SPAG4: variants seen among roughly 807,000 people sequenced by gnomAD.
The protein encoded by SPAG4 is sperm-associated antigen 4 protein.
SPAG4 carries 54 observed loss-of-function variants against 53.9 expected under a neutral mutation model. The observed-to-expected ratio is 1.00, with a 90% CI of 0.80 to 1.26. The LOEUF is 1.26. Among genes scored for constraint, SPAG4 ranks in the 50% most tolerant of loss-of-function variants. The pLI, the probability that SPAG4 is intolerant of heterozygous loss-of-function variation, is 0.00. For synonymous variants in SPAG4, 246 were observed against 237.4 expected, an observed-to-expected ratio of 1.04 and a Z score of -0.33; for missense variants, 548 against 568.6, an observed-to-expected ratio of 0.96 and a Z score of 0.37.
intron 9 of SPAG4, 46 bp from the exon 10 acceptor site, chr20:35,619,533 A>G: frequency 1.9e-6 from 3 of 1,593,678 alleles, no homozygotes; most frequent in Non-Finnish European, 2.6e-6. Flanking sequence ...GAGCGGCAGC[A>G]GTCGCTCTGT....
In SPAG4 at chr20:35,616,179, A is replaced by G; in HGVS notation, c.176A>G (p.Glu59Gly). The G allele has an allele frequency of 6.3e-7, 1 of 1,594,048 alleles. No homozygotes were observed. Among genetic ancestry groups the G allele is most frequent in the South Asian group, 1.1e-5 (1 of 89,434 alleles). The change falls in exon 1 of 12, where the codon GAG becomes GGG. Residue 59 changes from glutamate to glycine, a missense_variant. Coordinates refer to ENST00000374273, the MANE Select transcript of SPAG4 (RefSeq NM_003116.3). The part of the protein sequence containing the change: ...GRRARGPSCG[E>G]PALSAGVPGG... ...AGAGCCCGGGGCCCGAGCTGCGGTG[A>G]GCCCGCCTTGAGCGCGGGAGTGCCC...
Position 35,618,671 on chromosome 20 carries a change from T to G in SPAG4, c.668T>G (p.Leu223Arg). The stretch of plus-strand genomic sequence containing the variant: ...CAGCTGCAGCAGCTCCAGGCCGAGC[T>G]GGATAAACTCCACAAGGAGGTGTCC... ...GQQLQQLQAE[L>R]DKLHKEVSTV... The change falls in exon 7 of 12, where the codon CTG becomes CGG. Residue 223 changes from leucine to arginine, a missense_variant. Physicochemically the swap from Leu to Arg is moderately radical, Grantham distance 102. Coordinates refer to ENST00000374273, the MANE Select transcript of SPAG4 (RefSeq NM_003116.3). 6.3e-7 allele frequency: 1 copy of G among 1,595,770 alleles called. No homozygotes were observed. Among genetic ancestry groups the G allele is most frequent in the Non-Finnish European group, 8.5e-7 (1 of 1,171,096 alleles).
In SPAG4 at chr20:35,618,996, TG is replaced by T. The variant is rs749739786; in HGVS notation, c.793+1del. 1 of 1,613,466 alleles carries T rather than the reference TG, an allele frequency of 6.2e-7. No individual in the cohort carries two copies. The highest frequency in any genetic ancestry group is 1.1e-5 in the South Asian group (1 of 91,070). On this transcript the variant is annotated frameshift_variant and splice_region_variant, in exon 8 of 12. Coordinates refer to ENST00000374273, the MANE Select transcript of SPAG4 (RefSeq NM_003116.3). LOFTEE classifies it high-confidence loss of function. ...VRKPDYALSS[V>X]GASIDLQKTS... Reference sequence around the variant, plus strand: ...AAGCCCGACTATGCTTTGAGCTCTGTGGGTAAGACCCGGAGACACTGGAAGA... The same window carrying T: ...AAGCCCGACTATGCTTTGAGCTCTGTGGTAAGACCCGGAGACACTGGAAGA...
intron 9 of SPAG4, 26 bp from the exon 10 acceptor site, chr20:35,619,553 C>A: frequency 6.2e-7 from 1 of 1,605,816 alleles, no homozygotes; most frequent in Non-Finnish European, 8.5e-7. Flanking sequence ...TCCGACGGTT[C>A]CGATGGTCCC....
intron 8 of SPAG4, 49 bp downstream of exon 8, chr20:35,619,047 C>T (rs1481661636): frequency 1.3e-6 from 2 of 1,541,156 alleles, no homozygotes; most frequent in African/African-American, 2.7e-5. Context: ...GGAAAGAGGC[C>T]AAGACACTGA....
In SPAG4 at chr20:35,616,158, C is replaced by A. The variant is rs1217317100; in HGVS notation, c.155C>A (p.Ala52Asp). Residue 52 changes from alanine (A) to aspartate (D), a missense_variant, in exon 1 of 12, where the codon GCC (alanine) becomes GAC (aspartate). Ala to Asp is a moderately radical substitution (Grantham distance 126). Coordinates refer to ENST00000374273, the MANE Select transcript of SPAG4 (RefSeq NM_003116.3). ...PGPGEPEGRRARGPSCGEPAL... is the reference protein window; with the variant it reads ...PGPGEPEGRRDRGPSCGEPAL... ...CCTGGGGAGCCCGAGGGCAGAAGAGCCCGGGGCCCGAGCTGCGGTGAGCCC... is the reference window on the plus strand; with the variant it reads ...CCTGGGGAGCCCGAGGGCAGAAGAGACCGGGGCCCGAGCTGCGGTGAGCCC... The A allele has an allele frequency of 6.3e-7, 1 of 1,599,318 alleles. No individual in the cohort carries two copies.
rs1475421975 is a variant in SPAG4 at position 35,618,735 on chromosome 20, A to G, written c.717+15A>G. ...CCAACAGCGAGGTGAGCCCCGGCCC[A>G]CCTTGGAAACCCCTGATGGATCCCT... On this transcript the variant is annotated intron_variant, in intron 7 of 11. Coordinates refer to ENST00000374273, the MANE Select transcript of SPAG4 (RefSeq NM_003116.3). 6.5e-7 allele frequency: 1 copy of G among 1,546,532 alleles called. No homozygotes were observed. The highest frequency in any genetic ancestry group is 8.8e-7 in the Non-Finnish European group (1 of 1,136,674).
rs2031439307 is a variant in SPAG4 at position 35,617,827 on chromosome 20, C to T, written c.525C>T (p.Ser175=). The change falls in exon 4 of 12, where the codon AGC becomes AGT. Residue 175 remains serine (S), a synonymous_variant. Coordinates refer to ENST00000374273, the MANE Select transcript of SPAG4 (RefSeq NM_003116.3). ...RFLFTAVSLL[S]LFLSAFWLGL... The stretch of plus-strand genomic sequence containing the variant: ...TGTTCACGGCTGTGTCGCTGCTGAG[C>T]CTCTTTCTGTCAGGTGAGGGGCAGT... The T allele has an allele frequency of 6.2e-7, 1 of 1,613,948 alleles. No individual in the cohort carries two copies. The highest frequency in any genetic ancestry group is 1.1e-5 in the South Asian group (1 of 91,086).
intron 1 of SPAG4, among the ~76,000 whole-genome samples, chr20:35,616,699 G>A (rs2031396452): frequency 6.6e-6 from 1 of 151,010 alleles, no homozygotes; most frequent in African/African-American, 2.4e-5. Flanking sequence ...GCATGATCTC[G>A]GCTCACCGCA....
intron 8 of SPAG4, 36 bp from the exon 9 acceptor site, chr20:35,619,159 C>CT (rs768816604): frequency 6.4e-7 from 1 of 1,556,818 alleles, no homozygotes. Flanking sequence ...CCGGCAAGGC[C>CT]TGGGAGCCTC....
Position 35,621,030 on chromosome 20 carries a change from GA to G in SPAG4, c.*9del. 21 of 1,612,532 alleles carry G rather than the reference GA, an allele frequency of 1.3e-5. No individual in the cohort carries two copies. Among genetic ancestry groups the G allele is most frequent in the Non-Finnish European group, 1.8e-5 (21 of 1,178,640 alleles). ...GCACAGGGGCCCCATTAAACATGCT[GA>G]TTTTTGGAGTAGAATTGAGTTCTGC... is the stretch of plus-strand genomic sequence containing the variant. On this transcript the variant is annotated 3_prime_UTR_variant, in exon 12 of 12. Coordinates refer to ENST00000374273, the MANE Select transcript of SPAG4 (RefSeq NM_003116.3).
intron 8 of SPAG4, 50 bp downstream of exon 8, chr20:35,619,048 A>C: frequency 6.5e-7 from 1 of 1,544,512 alleles, no homozygotes; most frequent in African/African-American, 1.4e-5. Context: ...GAAAGAGGCC[A>C]AGACACTGAC....
Position 35,617,819 on chromosome 20 carries a change from C to T in SPAG4, c.517C>T (p.Leu173=). 6.2e-7 allele frequency: 1 copy of T among 1,614,134 alleles called. No homozygotes were observed. Among genetic ancestry groups the T allele is most frequent in the Non-Finnish European group, 8.5e-7 (1 of 1,180,004 alleles). ...SIRFLFTAVS[L]LSLFLSAFWL... Reference sequence around the variant, plus strand: ...CCGCTTCCTGTTCACGGCTGTGTCGCTGCTGAGCCTCTTTCTGTCAGGTGA... The same window carrying T: ...CCGCTTCCTGTTCACGGCTGTGTCGTTGCTGAGCCTCTTTCTGTCAGGTGA... The change falls in exon 4 of 12, where the codon CTG becomes TTG. Residue 173 remains leucine, a synonymous_variant. Coordinates refer to ENST00000374273, the MANE Select transcript of SPAG4 (RefSeq NM_003116.3).
chr20:35,617,631 G>T (rs367809662), intron 3 of SPAG4, 45 bp downstream of exon 3: 19 of 1,602,864 alleles, frequency 1.2e-5, no homozygotes, highest in Admixed American at 1.7e-5. Flanking sequence ...CTCTTTGGAG[G>T]GGGTGGGGAG....
chr20:35,616,175 G>A lies in SPAG4; in HGVS notation c.172G>A (p.Gly58Ser). The A allele has an allele frequency of 6.3e-7, 1 of 1,594,812 alleles. No homozygotes were observed. The highest frequency in any genetic ancestry group is 8.5e-7 in the Non-Finnish European group (1 of 1,171,900). ...CAGAAGAGCCCGGGGCCCGAGCTGC[G>A]GTGAGCCCGCCTTGAGCGCGGGAGT... ...EGRRARGPSC[G>S]EPALSAGVPG... The change falls in exon 1 of 12, where the codon GGT becomes AGT. Residue 58 changes from glycine to serine, a missense_variant. Physicochemically the swap from Gly to Ser is moderately conservative, Grantham distance 56. Transcript: ENST00000374273.
intron 8 of SPAG4, 57 bp from the exon 9 acceptor site, chr20:35,619,138 C>CCCCCCCCCCCCA: frequency 7.3e-7 from 1 of 1,374,586 alleles, no homozygotes. Context: ...CGCGCCCCCG[C>CCCCCCCCCCCCA]GCCCCGACTC....
intron 10 of SPAG4, among the ~76,000 whole-genome samples, chr20:35,620,029 G>A (rs375948283): frequency 6.6e-6 from 1 of 152,144 alleles, no homozygotes. Context: ...GAGTGCAGTG[G>A]TGCCATCTCA....
intron 5 of SPAG4, 54 bp from the exon 6 acceptor site, chr20:35,618,396 G>A: frequency 6.2e-7 from 1 of 1,611,316 alleles, no homozygotes; most frequent in Non-Finnish European, 8.5e-7. Flanking sequence ...GCTGAGGTAG[G>A]AGCAAGGACG....
Position 35,619,601 on chromosome 20 carries a change from G to A in SPAG4, c.932G>A (p.Cys311Tyr). The change falls in exon 10 of 12, where the codon TGC (cysteine) becomes TAC (tyrosine). Residue 311 changes from cysteine to tyrosine, a missense_variant. Cys to Tyr is a radical substitution (Grantham distance 194, BLOSUM62 -2). Transcript: ENST00000374273. ...ILEPHVFPGN[C>Y]WAFEGDQGQV... is the part of the protein sequence containing the mutation. The stretch of plus-strand genomic sequence containing the variant: ...CAGCCCCACGTGTTCCCTGGGAATT[G>A]CTGGGCTTTTGAAGGCGACCAAGGC... 6.2e-7 allele frequency: 1 copy of A among 1,613,904 alleles called. No homozygotes were observed. Among genetic ancestry groups the A allele is most frequent in the Non-Finnish European group, 8.5e-7 (1 of 1,179,896 alleles).
Sources: allele counts gnomAD v4.1 joint callset (sites outside exome capture counted in the v4.1 genomes callset), GRCh38; gene constraint gnomAD v4.1.1; transcripts MANE v1.5; gene names NCBI Gene and HGNC (gene_info 2026-07-23, HGNC 2026-07-21).